Variants in WTIP observed in about 807,000 individuals in gnomAD.
WTIP encodes Wilms tumor protein 1-interacting protein.
WTIP carries 23 observed loss-of-function variants against 41.7 expected under a neutral mutation model. The observed-to-expected ratio is 0.55, with a 90% confidence interval of 0.40 to 0.78. The LOEUF (loss-of-function observed/expected upper bound fraction) is 0.78. Among genes scored for constraint, WTIP ranks in the 30% least tolerant of loss-of-function variants. The pLI, the probability that WTIP is intolerant of heterozygous loss-of-function variation, is 0.00. For missense variants in WTIP, 619 were observed against 610.5 expected, an observed-to-expected ratio of 1.01 and a Z score of -0.15; for synonymous variants, 314 against 269.9, an observed-to-expected ratio of 1.16 and a Z score of -1.60.
In WTIP at chr19:34,506,467, T is replaced by C. The variant is rs1282228355; in HGVS notation, c.*6198T>C. ...TAGAGCTTGTAGGGTTTAATAAAAC[T>C]AGTTAACAGCCAGGCACGGTGGTTC... On this transcript the variant is annotated 3_prime_UTR_variant, in exon 8 of 8. Transcript: ENST00000590071. 2.0e-5 allele frequency: 3 copies of C among 152,176 alleles called. No homozygotes were observed. The highest frequency in any genetic ancestry group is 7.2e-5 in the African/African-American group (3 of 41,432). The allele number at this position is 152,176 out of a possible 1,614,324, so 9.4% of individuals were successfully genotyped here.
intron 1 of WTIP, among the ~76,000 whole-genome samples, chr19:34,485,244 G>A (rs1056723540): frequency 2.0e-5 from 3 of 151,980 alleles, no homozygotes; most frequent in East Asian, 3.9e-4. Context: ...CGCCATGCCC[G>A]GCTAATTTTT....
At position 34,506,558 on chromosome 19, in the gene WTIP, A is replaced by C. The variant is rs2075912107; in HGVS notation, c.*6289A>C. On this transcript the variant is annotated 3_prime_UTR_variant, in exon 8 of 8. Transcript: ENST00000590071. Reference sequence around the variant, plus strand: ...GGTCACTTGAGGTCAGGAGTTCGAGACAATCCTGGCCAACATGGCGAAACC... The same window carrying C: ...GGTCACTTGAGGTCAGGAGTTCGAGCCAATCCTGGCCAACATGGCGAAACC... The C allele has an allele frequency of 6.6e-6, 1 of 151,912 alleles. No individual in the cohort carries two copies. Among genetic ancestry groups the C allele is most frequent in the Non-Finnish European group, 1.5e-5 (1 of 67,986 alleles). 9.4% of individuals were successfully genotyped at this position (151,912 alleles called of 1,614,324 possible). A position where few individuals can be genotyped will look rare whatever the true frequency, so the allele number is the denominator to read the frequency against.
intron 6 of WTIP, among the ~76,000 whole-genome samples, chr19:34,495,287 C>G (rs1215303573): frequency 6.6e-6 from 1 of 152,104 alleles, no homozygotes; most frequent in African/African-American, 2.4e-5. Context: ...GTCCCAGCTA[C>G]TTGGGAGGCT....
chr19:34,482,340 C>T lies in WTIP; in HGVS notation c.366C>T (p.Arg122=). 1 of 1,385,618 alleles carries T rather than the reference C, an allele frequency of 7.2e-7. No individual in the cohort carries two copies. The highest frequency in any genetic ancestry group is 9.4e-7 in the Non-Finnish European group (1 of 1,064,092). 85.8% of individuals were successfully genotyped at this position (1,385,618 alleles called of 1,614,324 possible). The change falls in exon 1 of 8, where the codon CGC becomes CGT. Residue 122 remains arginine (R), a synonymous_variant. Transcript: ENST00000590071. ...ACGACCAGCGCCACGGCAGCCCGCG[C>T]TCCGGTCGCTCGGACCCGCGTCCCG... ...LGYDQRHGSP[R]SGRSDPRPGP... is the part of the protein sequence containing the mutation.
intron 7 of WTIP, among the ~76,000 whole-genome samples, chr19:34,496,177 A>C (rs1376881735): frequency 6.6e-6 from 1 of 152,112 alleles, no homozygotes; most frequent in Non-Finnish European, 1.5e-5. Context: ...TTTTTTTTAA[A>C]ATTTTTATTT....
chr19:34,490,461 C>T lies in WTIP; in HGVS notation c.753C>T (p.Phe251=), dbSNP rs2075819999. 1 of 1,613,944 alleles carries T rather than the reference C, an allele frequency of 6.2e-7. No homozygotes were observed. Among genetic ancestry groups the T allele is most frequent in the East Asian group, 2.2e-5 (1 of 44,878 alleles). ...AMGSLYHTDC[F]TCDSCGRRLR... is the part of the protein sequence containing the mutation. ...GGAGTCTTTATCACACTGACTGCTT[C>T]ACCTGCGACTCGTGTGGTAGGTAAC... Residue 251 remains phenylalanine, a synonymous_variant, in exon 2 of 8, where the codon TTC becomes TTT. Transcript: ENST00000590071.
chr19:34,490,527 C>A, intron 2 of WTIP, 50 bp downstream of exon 2: 1 of 1,551,812 alleles, frequency 6.4e-7, no homozygotes, highest in Non-Finnish European at 8.9e-7. Flanking sequence ...CCTGCCACAT[C>A]ATCCCCATTC....
chr19:34,495,605 C>T lies in WTIP; in HGVS notation c.1084-98C>T, dbSNP rs138454297. The T allele has an allele frequency of 7.4e-4, 1,048 of 1,421,268 alleles. 7 individuals carry two copies. The African/African-American group carries it at 0.013, about 18-fold the overall frequency. The allele number at this position is 1,421,268 out of a possible 1,614,324, so 88.0% of individuals were successfully genotyped here. A position where few individuals can be genotyped will look rare whatever the true frequency, so the allele number is the denominator to read the frequency against. ...GCTCCCCGGGGCGGGCGTGCACCTC[C>T]GCCGGGACAGGAGCGTGGTGTGTGG... On this transcript the variant is annotated intron_variant, in intron 6 of 7. Transcript: ENST00000590071.
intron 1 of WTIP, among the ~76,000 whole-genome samples, chr19:34,483,204 T>C (rs1415821975): frequency 2.5e-5 from 2 of 80,982 alleles, no homozygotes; most frequent in African/African-American, 8.5e-5. Context: ...TTTTTTTTTT[T>C]GTAGAGACAG....
At chr19:34,483,460 A>G (rs988809621) in intron 1 of WTIP, among the ~76,000 whole-genome samples, 1 of 152,152 alleles carries the variant, frequency 6.6e-6, no homozygotes, top group African/African-American at 2.4e-5. Context: ...GGAGTGGCCC[A>G]GGTACCACCG....
Position 34,482,203 on chromosome 19 carries a change from G to A in WTIP, c.229G>A (p.Ala77Thr), listed in dbSNP as rs1189626089. The change falls in exon 1 of 8, where the codon GCG becomes ACG. Residue 77 changes from alanine to threonine, a missense_variant. Around this residue, in one of 3 missense-constraint regions of WTIP, gnomAD observed 363 missense variants for 309.0 expected, o/e 1.17. Transcript: ENST00000590071. ...CGGGGAGCGGGGTCCCCGGCGCGCG[G>A]CGGTTCCGGAGCTCAGCGCGCAGCC... is the stretch of plus-strand genomic sequence containing the variant. ...SRGERGPRRAAVPELSAQPAG... is the reference protein window; with the variant it reads ...SRGERGPRRATVPELSAQPAG... The A allele has an allele frequency of 4.5e-6, 5 of 1,121,206 alleles. No homozygotes were observed. The African/African-American group carries it at 6.7e-5, about 15-fold the overall frequency. 69.5% of individuals were successfully genotyped at this position (1,121,206 alleles called of 1,614,324 possible).
At chr19:34,492,672 C>T (rs893277104) in intron 2 of WTIP, among the ~76,000 whole-genome samples, 2 of 131,852 alleles carry the variant, frequency 1.5e-5, no homozygotes, top group African/African-American at 5.8e-5. Context: ...CTGGGCGACA[C>T]AGTGATACTC....
intron 2 of WTIP, among the ~76,000 whole-genome samples, chr19:34,491,409 C>T (rs1330263581): frequency 1.3e-5 from 2 of 151,804 alleles, no homozygotes; most frequent in Non-Finnish European, 2.9e-5. Flanking sequence ...CTGCAACCTC[C>T]GTCTCCCTGG....
At position 34,500,183 on chromosome 19, in the gene WTIP, GGCCACCTACTGTGTCGTCGTT is replaced by G. The variant is rs1318962618; in HGVS notation, c.1215_1235del (p.Leu406_Leu412del). 1 of 1,603,592 alleles carries G rather than the reference GGCCACCTACTGTGTCGTCGTT, an allele frequency of 6.2e-7. No individual in the cohort carries two copies. The highest frequency in any genetic ancestry group is 8.5e-7 in the Non-Finnish European group (1 of 1,179,752). On this transcript the variant is annotated inframe_deletion, in exon 8 of 8. Coordinates refer to ENST00000590071, the MANE Select transcript of WTIP (RefSeq NM_001080436.2). Reference sequence around the variant, plus strand: ...GGGACGCCGTTGCTATCCCCTGGCGGGCCACCTACTGTGTCGTCGTTGCCACCTGCGGCGCCTCCAACCTGG... The same window carrying G: ...GGGACGCCGTTGCTATCCCCTGGCGGGCCACCTGCGGCGCCTCCAACCTGG...
chr19:34,496,461 C>A (rs776060059), intron 7 of WTIP, among the ~76,000 whole-genome samples: 1 of 152,030 alleles, frequency 6.6e-6, no homozygotes, highest in Admixed American at 6.6e-5. Flanking sequence ...TGAGTCACCG[C>A]GCCAGCCTCA....
rs561842451 is a variant in WTIP, at chr19:34,504,193, C to T, written c.*3924C>T. ...GTTTAAGAGGGAGACTGAGTGACTC[C>T]GAGAATGAGGGGGAAAGATACGGAG... On this transcript the variant is annotated 3_prime_UTR_variant, in exon 8 of 8. Transcript: ENST00000590071. 1.5e-4 allele frequency: 22 copies of T among 151,246 alleles called. No homozygotes were observed. Among genetic ancestry groups the T allele is most frequent in the Non-Finnish European group, 2.7e-4 (18 of 67,884 alleles). The allele number at this position is 151,246 out of a possible 1,614,324, so 9.4% of individuals were successfully genotyped here. A position where few individuals can be genotyped will look rare whatever the true frequency, so the allele number is the denominator to read the frequency against.
chr19:34,508,044 CCCT>C lies in WTIP; in HGVS notation c.*7780_*7782del, dbSNP rs2075919728. ...TTGAAATCTCAGGTCCTCTAAGGAT[CCCT>C]CCTCATTCTCTGTTAGTGTGAGGTG... On this transcript the variant is annotated 3_prime_UTR_variant, in exon 8 of 8. Transcript: ENST00000590071. 1 of 152,144 alleles carries C rather than the reference CCCT, an allele frequency of 6.6e-6. No homozygotes were observed. Among genetic ancestry groups the C allele is most frequent in the South Asian group, 2.1e-4 (1 of 4,828 alleles). 9.4% of individuals were successfully genotyped at this position (152,144 alleles called of 1,614,324 possible).
intron 2 of WTIP, among the ~76,000 whole-genome samples, chr19:34,492,453 G>A (rs1489382530): frequency 6.7e-6 from 1 of 150,204 alleles, no homozygotes; most frequent in Non-Finnish European, 1.5e-5. Context: ...TTGTGCCATT[G>A]CACTCCAGCC....
chr19:34,495,748 C>T lies in WTIP; in HGVS notation c.1129C>T (p.His377Tyr). Residue 377 changes from histidine to tyrosine, a missense_variant, in exon 7 of 8, where the codon CAC (histidine) becomes TAC (tyrosine). His to Tyr is a moderately conservative substitution (Grantham distance 83). Coordinates refer to ENST00000590071, the MANE Select transcript of WTIP (RefSeq NM_001080436.2). ...IRVVSMDRDY[H>Y]VACYHCEDCG... ...TGTGGTGTCCATGGACAGAGACTAC[C>T]ACGTGGCATGTTACCACTGTGAGGT... 6.2e-7 allele frequency: 1 copy of T among 1,613,898 alleles called. No individual in the cohort carries two copies.
Sources: allele counts gnomAD v4.1 joint callset (sites outside exome capture counted in the v4.1 genomes callset), GRCh38; gene constraint gnomAD v4.1.1; regional missense constraint gnomAD v4.1.1; transcripts MANE v1.5; gene names NCBI Gene and HGNC (gene_info 2026-07-23, HGNC 2026-07-21).